CARD14: variants seen among roughly 807,000 people sequenced by gnomAD.
CARD14 encodes the protein caspase recruitment domain-containing protein 14.
Under a neutral mutation model 111.5 loss-of-function variants are expected in CARD14, and 107 were observed. The observed-to-expected ratio is 0.96, with a 90% CI of 0.82 to 1.13. The LOEUF (loss-of-function observed/expected upper bound fraction) is 1.13. Ranked by LOEUF, CARD14 falls within the 50% of genes most tolerant of loss-of-function variation. CARD14 has a pLI of 0.00. For missense variants in CARD14, 1,322 were observed against 1,362.3 expected (o/e 0.97, Z 0.47); for synonymous variants, 617 against 579.6 (o/e 1.06, Z -0.93).
chr17:80,204,839 C>T, intron 20 of CARD14, 196 bp from the exon 21 acceptor site: 1 of 550,858 alleles, frequency 1.8e-6, no homozygotes, highest in Non-Finnish European at 3.2e-6. Flanking sequence ...GCTGTGTAAC[C>T]CCCGTGCAAA....
chr17:80,172,364 C>G (rs2039920974), intron 1 of CARD14, among the ~76,000 whole-genome samples: 1 of 152,234 alleles, frequency 6.6e-6, no homozygotes, highest in Non-Finnish European at 1.5e-5. Context: ...CTCTCCTTCA[C>G]TAAGTAGAAA....
intron 7 of CARD14, among the ~76,000 whole-genome samples, chr17:80,186,990 A>G (rs1005152890): frequency 6.6e-5 from 10 of 152,276 alleles, no homozygotes; most frequent in Middle Eastern, 3.2e-3. Context: ...ATATGCACAC[A>G]CATACTTGTC....
chr17:80,195,808 C>T lies in CARD14; in HGVS notation c.1594+156C>T. 1.5e-6 allele frequency: 1 copy of T among 653,092 alleles called. No homozygotes were observed. Among genetic ancestry groups the T allele is most frequent in the Non-Finnish European group, 2.6e-6 (1 of 384,366 alleles). The allele number at this position is 653,092 out of a possible 1,614,324, so 40.5% of individuals were successfully genotyped here. A position where few individuals can be genotyped will look rare whatever the true frequency, so the allele number is the denominator to read the frequency against. ...CCTTGACCTTGGCCTCGACCTTGCACTTTGGGAAAGTCCCGCCTGCCAGCC... is the reference window on the plus strand; with the variant it reads ...CCTTGACCTTGGCCTCGACCTTGCATTTTGGGAAAGTCCCGCCTGCCAGCC... On this transcript the variant is annotated intron_variant, in intron 14 of 23. Transcript: ENST00000648509. The surrounding 1 kb of genome is among the most constrained non-coding windows in gnomAD (Gnocchi z 4.7).
chr17:80,170,711 T>G (rs2039874545), intron 1 of CARD14, among the ~76,000 whole-genome samples: 1 of 151,648 alleles, frequency 6.6e-6, no homozygotes, highest in African/African-American at 2.4e-5. Context: ...CTTAGGCTCT[T>G]CTAGAATTGC....
chr17:80,206,690 C>G, intron 22 of CARD14: 1 of 181,490 alleles, frequency 5.5e-6, no homozygotes, highest in East Asian at 1.4e-4. Context: ...TGGCATGAAC[C>G]TGGGAGGCAG....
intron 23 of CARD14, chr17:80,207,505 C>T (rs8074300): frequency 0.074 from 11,862 of 161,256 alleles, 689 homozygotes; most frequent in African/African-American, 0.16. Context: ...GCCAAGATCG[C>T]GCCACTGCAC....
chr17:80,204,534 G>A, intron 20 of CARD14, 193 bp downstream of exon 20: 1 of 511,352 alleles, frequency 2.0e-6, no homozygotes, highest in Non-Finnish European at 3.4e-6. Flanking sequence ...TGAGGCAGGA[G>A]AATCGCCTGA....
chr17:80,207,705 A>G (rs976999783), intron 23 of CARD14: 2 of 171,518 alleles, frequency 1.2e-5, no homozygotes, highest in Admixed American at 6.3e-5. Context: ...GACATTTTAT[A>G]ATTGAAATTT....
At position 80,198,619 on chromosome 17, in the gene CARD14, C is replaced by T. The variant is rs755192145; in HGVS notation, c.1851+28C>T. On this transcript the variant is annotated intron_variant, in intron 16 of 23. Coordinates refer to ENST00000648509, the MANE Select transcript of CARD14 (RefSeq NM_001366385.1). The surrounding 1 kb of genome is among the most constrained non-coding windows in gnomAD (Gnocchi z 7.5). ...GAGCCGTGCGAGGCCCCTCCTGTCCCCCGGGCTCCTCATGGGGACAGTGGC... is the reference window on the plus strand; with the variant it reads ...GAGCCGTGCGAGGCCCCTCCTGTCCTCCGGGCTCCTCATGGGGACAGTGGC... 1.1e-5 allele frequency: 17 copies of T among 1,610,652 alleles called. 1 individual carries two copies. Among genetic ancestry groups the T allele is most frequent in the Middle Eastern group, 3.3e-4 (2 of 6,058 alleles).
intron 1 of CARD14, among the ~76,000 whole-genome samples, chr17:80,170,919 C>A (rs998848223): frequency 4.1e-4 from 62 of 149,684 alleles, no homozygotes; most frequent in Admixed American, 1.5e-3. Flanking sequence ...CGGCTCACTG[C>A]AATTTCTGCC....
chr17:80,183,198 G>C (rs1007352599), intron 6 of CARD14, among the ~76,000 whole-genome samples: 12 of 152,240 alleles, frequency 7.9e-5, no homozygotes, highest in Non-Finnish European at 1.0e-4. Flanking sequence ...CGGCCAGAGG[G>C]TACAGGGCCT....
intron 23 of CARD14, chr17:80,207,480 G>A (rs2041394808): frequency 6.0e-6 from 1 of 166,406 alleles, no homozygotes; most frequent in Admixed American, 6.2e-5. Flanking sequence ...GAACTGGGAG[G>A]TGGAGTTGCG....
In CARD14 at chr17:80,208,570, C is replaced by T. The variant is rs984677906; in HGVS notation, c.*225C>T. ...TCTGTGGAAACATCTTCACCCTTTA[C>T]CAGGCTTGGCATGGTCTGAACTGGA... On this transcript the variant is annotated 3_prime_UTR_variant, in exon 24 of 24. Transcript: ENST00000648509. 4.1e-6 allele frequency: 2 copies of T among 493,018 alleles called. No homozygotes were observed. The highest frequency in any genetic ancestry group is 7.1e-6 in the Non-Finnish European group (2 of 280,364). The allele number at this position is 493,018 out of a possible 1,614,324, so 30.5% of individuals were successfully genotyped here.
rs1321765275 is a variant in CARD14 at position 80,207,004 on chromosome 17, GTGTC to G, written c.2729_2732del (p.Val910AlafsTer111). ...GCCCTCCTGGACGTCCAGCTGGACA[GTGTC>G]TGCACCCTGCACAGGATGGACATCT... On this transcript the variant is annotated frameshift_variant, in exon 23 of 24. Transcript: ENST00000648509. LOFTEE classifies it high-confidence loss of function. 3.1e-6 allele frequency: 5 copies of G among 1,613,924 alleles called. No homozygotes were observed. The highest frequency in any genetic ancestry group is 4.2e-6 in the Non-Finnish European group (5 of 1,179,896).
rs780621356 is a variant in CARD14 at position 80,195,288 on chromosome 17, A to G, written c.1454A>G (p.Tyr485Cys). The G allele has an allele frequency of 2.5e-6, 4 of 1,613,074 alleles. No individual in the cohort carries two copies. Among genetic ancestry groups the G allele is most frequent in the Non-Finnish European group, 3.4e-6 (4 of 1,179,834 alleles). The stretch of plus-strand genomic sequence containing the variant: ...GCGCCCCCCAGCCAGCAGTCCCTGT[A>G]CAAGCGGGTGGCCGAGGACTTCGGG... The part of the protein sequence containing the change: ...SPAPPSQQSL[Y>C]KRVAEDFGEE... The change falls in exon 13 of 24, where the codon TAC becomes TGC. Residue 485 changes from tyrosine to cysteine, a missense_variant. Transcript: ENST00000648509. The surrounding 1 kb of genome is among the most constrained non-coding windows in gnomAD (Gnocchi z 4.7).
Position 80,188,078 on chromosome 17 carries a change from G to A in CARD14, c.676-299G>A, listed in dbSNP as rs914065650. 4 of 674,740 alleles carry A rather than the reference G, an allele frequency of 5.9e-6. No homozygotes were observed. The highest frequency in any genetic ancestry group is 5.7e-5 in the African/African-American group (3 of 52,432). The allele number at this position is 674,740 out of a possible 1,614,324, so 41.8% of individuals were successfully genotyped here. On this transcript the variant is annotated intron_variant, in intron 7 of 23. Coordinates refer to ENST00000648509, the MANE Select transcript of CARD14 (RefSeq NM_001366385.1). This position sits in a 1 kb window ranked among gnomAD's most constrained non-coding sequence, Gnocchi z 4.5. ...TCACTGCCGGCTGCTCAGCTGTAGA[G>A]ATCCAGGAGTTGGTTATCAAGGCCT... is the stretch of plus-strand genomic sequence containing the variant.
intron 22 of CARD14, 57 bp downstream of exon 22, chr17:80,205,709 C>T: frequency 6.8e-7 from 1 of 1,478,504 alleles, no homozygotes; most frequent in Non-Finnish European, 9.0e-7. Flanking sequence ...TTCAGGAATG[C>T]AGAGGAGGGG....
At chr17:80,171,060 C>A (rs1229941793) in intron 1 of CARD14, among the ~76,000 whole-genome samples, 1 of 151,294 alleles carries the variant, frequency 6.6e-6, no homozygotes. Flanking sequence ...AGGCTGGTCT[C>A]AAACTCCTGA....
rs2039936009 is a variant in CARD14, at chr17:80,172,897, T to TTTTTTTTTTTTTTTTG, written c.-689-8_-689-7insTTTTTTTTTTTTTTGT. ...CTTTTTTTTTTTTTTTTTTTTTTTT[T>TTTTTTTTTTTTTTTTG]TGAGGTAGAGTTTCACTCTGGCTCC... On this transcript the variant is annotated splice_polypyrimidine_tract_variant and intron_variant, in intron 1 of 23. Coordinates refer to ENST00000648509, the MANE Select transcript of CARD14 (RefSeq NM_001366385.1). 7.6e-6 allele frequency: 1 copy of TTTTTTTTTTTTTTTTG among 131,282 alleles called. No individual in the cohort carries two copies. The highest frequency in any genetic ancestry group is 7.5e-5 in the Admixed American group (1 of 13,338). The allele number at this position is 131,282 out of a possible 1,614,324, so 8.1% of individuals were successfully genotyped here. A position where few individuals can be genotyped will look rare whatever the true frequency, so the allele number is the denominator to read the frequency against.
Sources: gnomAD v4.1 joint callset for allele counts (sites outside exome capture counted in the v4.1 genomes callset) on GRCh38, gnomAD v4.1.1 for gene constraint, Gnocchi (gnomAD v3.1) non-coding constraint, MANE v1.5 for transcripts, NCBI Gene and HGNC (gene_info 2026-07-23, HGNC 2026-07-21) for gene names.